The following PDE4B variants were observed in gnomAD, a reference collection of about 807,000 sequenced individuals.
PDE4B encodes the protein 3',5'-cyclic-AMP phosphodiesterase 4B.
Under a neutral mutation model 82.2 loss-of-function variants are expected in PDE4B, and 20 were observed. The ratio of observed to expected loss-of-function variants is 0.24; its 90% CI spans 0.17 to 0.35. The LOEUF (loss-of-function observed/expected upper bound fraction) is 0.35. PDE4B is among the 10% of genes least tolerant of loss of function. PDE4B has a pLI of 1.00. For synonymous variants in PDE4B, 320 were observed against 318.9 expected, an observed-to-expected ratio of 1.00 and a Z score of -0.04; for missense variants, 655 against 907.2, an observed-to-expected ratio of 0.72 and a Z score of 3.57.
At chr1:66,330,699 G>C in intron 7 of PDE4B, 1 of 886,174 alleles carries the variant, frequency 1.1e-6, no homozygotes, top group Non-Finnish European at 1.4e-6. Flanking sequence ...TGTCTCTTCA[G>C]AAAAGGCTTC....
At chr1:66,328,881 G>A (rs549680779) in intron 7 of PDE4B, among the ~76,000 whole-genome samples, 4 of 152,296 alleles carry the variant, frequency 2.6e-5, no homozygotes. Context: ...TCTTGATGGG[G>A]ATGAACCTCT....
At chr1:66,264,656 C>T (rs1654905898) in intron 6 of PDE4B, among the ~76,000 whole-genome samples, 1 of 152,162 alleles carries the variant, frequency 6.6e-6, no homozygotes, top group African/African-American at 2.4e-5. Context: ...TGGACCCTGT[C>T]TATAGACTAC....
At position 66,123,638 on chromosome 1, in the gene PDE4B, G is replaced by T. The variant is rs1010417438; in HGVS notation, c.282-123822G>T. Among the ~76,000 whole-genome samples, 3 of 148,892 alleles carry T rather than the reference G, an allele frequency of 2.0e-5. No homozygotes were observed. The Admixed American group carries it at 2.0e-4, about 10-fold the overall frequency. On this transcript the variant is annotated intron_variant, in intron 3 of 16. Coordinates refer to ENST00000341517, the MANE Select transcript of PDE4B (RefSeq NM_002600.4). ...TGCTTCTGTTAAGCTGGCAAATATT[G>T]CCCTTAAATAATCATCACAGACACT...
At chr1:65,901,693 T>A (rs1221056335) in intron 1 of PDE4B, among the ~76,000 whole-genome samples, 1 of 152,110 alleles carries the variant, frequency 6.6e-6, no homozygotes, top group Non-Finnish European at 1.5e-5. Context: ...AGGTTGTGTG[T>A]TTCTTTGTTA....
intron 6 of PDE4B, among the ~76,000 whole-genome samples, chr1:66,262,459 T>C (rs148341120): frequency 9.3e-4 from 142 of 152,332 alleles, no homozygotes; most frequent in African/African-American, 3.2e-3. Context: ...TCCAGTTCTG[T>C]CTCCACTGTG....
chr1:65,830,217 A>G (rs934581537), intron 1 of PDE4B, among the ~76,000 whole-genome samples: 1 of 152,200 alleles, frequency 6.6e-6, no homozygotes, highest in Non-Finnish European at 1.5e-5. Context: ...AAATAAATAC[A>G]CGTGCATCTA....
chr1:66,180,835 G>C (rs1340747949), intron 3 of PDE4B, among the ~76,000 whole-genome samples: 1 of 152,184 alleles, frequency 6.6e-6, no homozygotes, highest in Admixed American at 6.5e-5. Context: ...GAGAGAGAGA[G>C]AGAGAATGTG....
At chr1:65,931,602 C>A (rs1647837323) in intron 3 of PDE4B, among the ~76,000 whole-genome samples, 1 of 151,950 alleles carries the variant, frequency 6.6e-6, no homozygotes, top group Admixed American at 6.5e-5. Context: ...GAAGTGATAC[C>A]CTCCTTCCCC....
rs1379695564 is a variant in PDE4B, at chr1:65,800,760, G to T, written c.-71+7512G>T. 2.0e-5 allele frequency among the ~76,000 whole-genome samples: 3 copies of T among 152,214 alleles called. No individual in the cohort carries two copies. The East Asian group carries it at 5.8e-4, about 29-fold the overall frequency. ...GTAGTATAATATCTTGATATGGTCA[G>T]AATTTGCAATAGTAAGAGTGGTCAC... On this transcript the variant is annotated intron_variant, in intron 1 of 16. Transcript: ENST00000341517.
chr1:65,998,240 G>A (rs1000786658), intron 3 of PDE4B, among the ~76,000 whole-genome samples: 6 of 152,160 alleles, frequency 3.9e-5, no homozygotes, highest in Non-Finnish European at 8.8e-5. Flanking sequence ...AAAATAAACA[G>A]CTGAGTTGGG....
intron 3 of PDE4B, among the ~76,000 whole-genome samples, chr1:66,178,714 T>C (rs532483469): frequency 6.4e-4 from 97 of 152,326 alleles, no homozygotes; most frequent in African/African-American, 2.3e-3. Context: ...ATATAAGATA[T>C]GCTGCGTGCT....
At chr1:65,883,618 T>A (rs1344522418) in intron 1 of PDE4B, among the ~76,000 whole-genome samples, 1 of 152,190 alleles carries the variant, frequency 6.6e-6, no homozygotes, top group East Asian at 1.9e-4. Context: ...AGAATTTGAC[T>A]TCCTCTTTTC....
intron 1 of PDE4B, among the ~76,000 whole-genome samples, chr1:65,842,225 T>C (rs1206717377): frequency 6.6e-6 from 1 of 152,152 alleles, no homozygotes; most frequent in Non-Finnish European, 1.5e-5. Flanking sequence ...AAAAAAACAC[T>C]AATAAATACT....
At chr1:66,035,452 C>T (rs1654010353) in intron 3 of PDE4B, among the ~76,000 whole-genome samples, 1 of 152,160 alleles carries the variant, frequency 6.6e-6, no homozygotes, top group Non-Finnish European at 1.5e-5. Context: ...TAACTTTGTA[C>T]TTATTGACCA....
At chr1:65,863,889 T>C (rs1165231602) in intron 1 of PDE4B, among the ~76,000 whole-genome samples, 5 of 152,194 alleles carry the variant, frequency 3.3e-5, no homozygotes, top group Admixed American at 6.5e-5. Flanking sequence ...TTTGAGCCCA[T>C]GTATGTCTTT....
chr1:66,360,209 CA>C (rs943521246), intron 9 of PDE4B, among the ~76,000 whole-genome samples: 1 of 152,108 alleles, frequency 6.6e-6, no homozygotes, highest in Non-Finnish European at 1.5e-5. Flanking sequence ...CCTTCCTAAG[CA>C]AAAGTCATAG....
At chr1:65,887,117 C>CCTCCCTCCTTCCCTCCCTCT (rs1291394612) in intron 1 of PDE4B, among the ~76,000 whole-genome samples, 10 of 150,340 alleles carry the variant, frequency 6.7e-5, no homozygotes, top group Admixed American at 2.7e-4. Context: ...TTTTTCCCTC[C>CCTCCCTCCTTCCCTCCCTCT]CTCCCTCCTT....
chr1:66,090,883 T>C (rs2100992148), intron 3 of PDE4B, among the ~76,000 whole-genome samples: 1 of 151,944 alleles, frequency 6.6e-6, no homozygotes, highest in East Asian at 1.9e-4. Flanking sequence ...ATGTTGAAAG[T>C]CATAGGTCTG....
chr1:66,113,715 T>C (rs1645535658), intron 3 of PDE4B, among the ~76,000 whole-genome samples: 1 of 152,244 alleles, frequency 6.6e-6, no homozygotes, highest in African/African-American at 2.4e-5. Flanking sequence ...TTACTTTATA[T>C]ACTATCAATA....
Sources: allele counts gnomAD v4.1 joint callset (sites outside exome capture counted in the v4.1 genomes callset), GRCh38; gene constraint gnomAD v4.1.1; transcripts MANE v1.5; gene names NCBI Gene and HGNC (gene_info 2026-07-23, HGNC 2026-07-21).